The following ZRANB3 variants were observed in gnomAD, a reference collection of about 807,000 sequenced individuals.
The protein encoded by ZRANB3 is DNA annealing helicase and endonuclease ZRANB3.
A neutral mutation model predicts 133.8 loss-of-function variants in ZRANB3; 125 were observed. The observed-to-expected ratio is 0.93, with a 90% confidence interval of 0.81 to 1.08. The LOEUF is 1.08. Among genes scored for constraint, ZRANB3 ranks in the 50% least tolerant of loss-of-function variants. The pLI is 0.00. For missense variants in ZRANB3, 1,229 were observed against 1,275.5 expected, an observed-to-expected ratio of 0.96 and a Z score of 0.56; for synonymous variants, 387 against 432.7, an observed-to-expected ratio of 0.89 and a Z score of 1.31.
intron 2 of ZRANB3, among the ~76,000 whole-genome samples, chr2:135,399,895 G>A (rs1240826015): frequency 6.6e-6 from 1 of 152,106 alleles, no homozygotes; most frequent in Non-Finnish European, 1.5e-5. Context: ...TTTTCGAAAA[G>A]GTTTTCGTAT....
chr2:135,473,046 C>G (rs1175532501), intron 2 of ZRANB3, among the ~76,000 whole-genome samples: 1 of 152,124 alleles, frequency 6.6e-6, no homozygotes, highest in Non-Finnish European at 1.5e-5. Flanking sequence ...AATATACAGT[C>G]AAATGGCATT....
chr2:135,433,778 C>T (rs533057754), intron 2 of ZRANB3, among the ~76,000 whole-genome samples: 1 of 152,136 alleles, frequency 6.6e-6, no homozygotes, highest in Non-Finnish European at 1.5e-5. Flanking sequence ...GAGCGGATCA[C>T]GAGGTCAGGA....
intron 3 of ZRANB3, among the ~76,000 whole-genome samples, chr2:135,367,746 T>C (rs1002615936): frequency 6.6e-6 from 1 of 152,170 alleles, no homozygotes; most frequent in African/African-American, 2.4e-5. Context: ...GTCACCATGA[T>C]CTCCAGGGTA....
intron 1 of ZRANB3, among the ~76,000 whole-genome samples, chr2:135,514,880 TG>T (rs1204134170): frequency 6.6e-6 from 1 of 152,220 alleles, no homozygotes; most frequent in Non-Finnish European, 1.5e-5. Flanking sequence ...AGGCCTTTTC[TG>T]CATCTATTGA....
intron 2 of ZRANB3, among the ~76,000 whole-genome samples, chr2:135,412,200 A>G (rs1688337548): frequency 6.6e-6 from 1 of 152,200 alleles, no homozygotes; most frequent in Non-Finnish European, 1.5e-5. Flanking sequence ...GTTTTTTAGC[A>G]TATAATTCAA....
At chr2:135,352,116 G>A (rs561092958) in intron 4 of ZRANB3, among the ~76,000 whole-genome samples, 61 of 152,226 alleles carry the variant, frequency 4.0e-4, no homozygotes, top group African/African-American at 1.4e-3. Flanking sequence ...TGGATCACCT[G>A]AGATCAGGAG....
intron 2 of ZRANB3, among the ~76,000 whole-genome samples, chr2:135,455,171 CTTTTTTTTT>C (rs1166170814): frequency 1.8e-3 from 69 of 37,582 alleles, no homozygotes; most frequent in African/African-American, 5.2e-3. Context: ...CCTTCTTATA[CTTTTTTTTT>C]TTTTTTTTTT....
chr2:135,222,037 T>G (rs1694575311), intron 15 of ZRANB3, among the ~76,000 whole-genome samples: 1 of 152,198 alleles, frequency 6.6e-6, no homozygotes, highest in African/African-American at 2.4e-5. Context: ...ATATTATCTT[T>G]TAAACATCGA....
At chr2:135,330,863 G>C (rs1316153071) in intron 6 of ZRANB3, among the ~76,000 whole-genome samples, 1 of 152,032 alleles carries the variant, frequency 6.6e-6, no homozygotes, top group Admixed American at 6.6e-5. Context: ...TTCTCTGACG[G>C]TAGTTTGTAT....
intron 2 of ZRANB3, among the ~76,000 whole-genome samples, chr2:135,503,215 A>G (rs1045547400): frequency 4.6e-5 from 7 of 152,226 alleles, no homozygotes; most frequent in African/African-American, 1.4e-4. Flanking sequence ...GGTTAATCAT[A>G]CATATATTTA....
intron 12 of ZRANB3, among the ~76,000 whole-genome samples, chr2:135,234,973 C>A (rs1573728322): frequency 1.3e-5 from 2 of 152,090 alleles, no homozygotes; most frequent in Non-Finnish European, 2.9e-5. Context: ...ACACAAAAAA[C>A]CCTTCAAAAA....
At chr2:135,424,683 G>GT (rs773303276) in intron 2 of ZRANB3, among the ~76,000 whole-genome samples, 2 of 152,190 alleles carry the variant, frequency 1.3e-5, no homozygotes, top group Non-Finnish European at 2.9e-5. Flanking sequence ...CAATGAGCCA[G>GT]TATTGTGCCA....
At chr2:135,408,539 G>A (rs904742721) in intron 2 of ZRANB3, among the ~76,000 whole-genome samples, 20 of 152,028 alleles carry the variant, frequency 1.3e-4, no homozygotes, top group African/African-American at 3.4e-4. Flanking sequence ...TGTTTATTGC[G>A]GCACTATTCA....
At chr2:135,492,888 T>C (rs540670013) in intron 2 of ZRANB3, among the ~76,000 whole-genome samples, 7 of 151,200 alleles carry the variant, frequency 4.6e-5, no homozygotes, top group East Asian at 1.9e-4. Flanking sequence ...AGGGTGACAA[T>C]AGAAAAAGGG....
Position 135,271,819 on chromosome 2 carries a change from TTGAAACTGATTAACCAGATGTATTCTTTC to T in ZRANB3, c.1126_1154del (p.Glu376LysfsTer4), listed in dbSNP as rs1680531331. 6.2e-7 allele frequency: 1 copy of T among 1,613,904 alleles called. No individual in the cohort carries two copies. ...TAGCCACGCGAGTGTCAGGATCCTT[TTGAAACTGATTAACCAGATGTATTCTTTC>T]TGAAGATGAAACACTTCCATCTATC... On this transcript the variant is annotated frameshift_variant, in exon 10 of 21. Coordinates refer to ENST00000264159, the MANE Select transcript of ZRANB3 (RefSeq NM_032143.4). LOFTEE classifies it high-confidence loss of function.
chr2:135,488,805 A>G (rs1165239899), intron 2 of ZRANB3, among the ~76,000 whole-genome samples: 1 of 150,338 alleles, frequency 6.7e-6, no homozygotes. Flanking sequence ...AATAAAACAA[A>G]CTATGCTATA....
chr2:135,424,958 G>T lies in ZRANB3; in HGVS notation c.162-34138C>A, dbSNP rs574809976. Among the ~76,000 whole-genome samples the T allele has an allele frequency of 8.1e-4, 123 of 151,968 alleles. 1 individual carries two copies. The highest frequency in any genetic ancestry group is 2.6e-3 in the African/African-American group (109 of 41,432). The stretch of plus-strand genomic sequence containing the variant: ...ACAAAAGACTGCATACAAATGATGA[G>T]GTATCAGAACAAGAAAGCTTAGAAA... On this transcript the variant is annotated intron_variant, in intron 2 of 20. Coordinates refer to ENST00000264159, the MANE Select transcript of ZRANB3 (RefSeq NM_032143.4).
At chr2:135,318,196 C>A (rs1034328783) in intron 6 of ZRANB3, among the ~76,000 whole-genome samples, 1 of 144,122 alleles carries the variant, frequency 6.9e-6, no homozygotes, top group South Asian at 2.2e-4. Flanking sequence ...TTTTCCTATG[C>A]TATTTACACA....
At chr2:135,203,810 T>C (rs1002380124) in intron 19 of ZRANB3, among the ~76,000 whole-genome samples, 1 of 152,110 alleles carries the variant, frequency 6.6e-6, no homozygotes, top group Non-Finnish European at 1.5e-5. Flanking sequence ...AGAACAAATA[T>C]CTGTAACTTG....
Sources: allele counts gnomAD v4.1 joint callset (sites outside exome capture counted in the v4.1 genomes callset), GRCh38; gene constraint gnomAD v4.1.1; transcripts MANE v1.5; gene names NCBI Gene and HGNC (gene_info 2026-07-23, HGNC 2026-07-21).